Variants in SCUBE2 observed in about 807,000 individuals in gnomAD.
SCUBE2 encodes the protein signal peptide, CUB domain and EGF like domain containing 2.
In SCUBE2, 114 loss-of-function variants were observed where a neutral mutation model predicts 125.9. That is an observed-to-expected ratio of 0.91 (90% confidence interval 0.78 to 1.06). The LOEUF is 1.06. SCUBE2 is among the 50% of genes least tolerant of loss of function. The probability of loss-of-function intolerance (pLI) is 0.00; values close to 1 mark genes in which losing one functional copy is unlikely to be tolerated. For missense variants in SCUBE2, 1,255 were observed against 1,301.8 expected, an observed-to-expected ratio of 0.96 and a Z score of 0.55; for synonymous variants, 459 against 492.9, an observed-to-expected ratio of 0.93 and a Z score of 0.91.
intron 16 of SCUBE2, 34 bp from the exon 17 acceptor site, chr11:9,033,830 A>T (rs1401276092): frequency 1.2e-6 from 2 of 1,608,640 alleles, no homozygotes. Context: ...GTCAGTGTGG[A>T]CACAAAGGCC....
At chr11:9,081,514 G>T (rs118109318) in intron 2 of SCUBE2, among the ~76,000 whole-genome samples, 1,654 of 152,198 alleles carry the variant, frequency 0.011, 18 homozygotes, top group Non-Finnish European at 0.018. Context: ...GTTGTAGCAT[G>T]TGACAGGATT....
chr11:9,077,535 G>A (rs1861299562), intron 3 of SCUBE2, among the ~76,000 whole-genome samples: 1 of 152,192 alleles, frequency 6.6e-6, no homozygotes, highest in Admixed American at 6.5e-5. Flanking sequence ...GTGTGGTTAG[G>A]AGGCTGAGGA....
intron 7 of SCUBE2, 99 bp downstream of exon 7, chr11:9,065,792 T>C: frequency 1.0e-6 from 1 of 967,502 alleles, no homozygotes; most frequent in South Asian, 1.4e-5. Flanking sequence ...GTCCAGCTGG[T>C]CTGAGGGCAT....
At chr11:9,066,199 A>T (rs1203318241) in intron 6 of SCUBE2, among the ~76,000 whole-genome samples, 1 of 152,176 alleles carries the variant, frequency 6.6e-6, no homozygotes, top group Non-Finnish European at 1.5e-5. Context: ...AAGATTTTGG[A>T]GGTATATTGC....
rs1291381213 is a variant in SCUBE2 at position 9,021,099 on chromosome 11, C to T, written c.3033G>A (p.Ser1011=). 8 of 1,613,420 alleles carry T rather than the reference C, an allele frequency of 5.0e-6. No individual in the cohort carries two copies. The highest frequency in any genetic ancestry group is 2.2e-5 in the East Asian group (1 of 44,872). The change falls in exon 23 of 23, where the codon TCG becomes TCA. Residue 1011 remains serine, a synonymous_variant. Transcript: ENST00000649792. ...AQESREMFPR[S]FIRLLRSKVS... is the part of the protein sequence containing the mutation. ...CTTTGGAACGTAGCAATCGGATGAA[C>T]GATCTTGGAAACATCTCTCGGGACT...
chr11:9,045,596 AAGAC>A (rs530788173), intron 16 of SCUBE2, among the ~76,000 whole-genome samples: 3,129 of 144,742 alleles, frequency 0.022, 90 homozygotes, highest in African/African-American at 0.059. Flanking sequence ...CCAGGACTAG[AAGAC>A]AGACAGACAG....
Position 9,030,020 on chromosome 11 carries a change from G to A in SCUBE2, c.2367C>T (p.Tyr789=), listed in dbSNP as rs746558405. 1 of 1,614,210 alleles carries A rather than the reference G, an allele frequency of 6.2e-7. No individual in the cohort carries two copies. The highest frequency in any genetic ancestry group is 8.5e-7 in the Non-Finnish European group (1 of 1,180,038). Residue 789 remains tyrosine (Y), a synonymous_variant, in exon 19 of 23, where the codon TAC becomes TAT. Coordinates refer to ENST00000649792, the MANE Select transcript of SCUBE2 (RefSeq NM_001367977.2). ...GAATACATCGGTGAGTGGTGGTGTTGTAGAAATGTCCAGGTGAACATTGAA... is the reference window on the plus strand; with the variant it reads ...GAATACATCGGTGAGTGGTGGTGTTATAGAAATGTCCAGGTGAACATTGAA... ...TRVQCSPGHF[Y]NTTTHRCIRC...
At chr11:9,028,175 T>C (rs1395619727) in intron 19 of SCUBE2, among the ~76,000 whole-genome samples, 1 of 151,814 alleles carries the variant, frequency 6.6e-6, no homozygotes, top group Non-Finnish European at 1.5e-5. Context: ...GCTGGGACCA[T>C]ATGCAAGTGC....
chr11:9,053,185 G>A lies in SCUBE2; in HGVS notation c.1361C>T (p.Ser454Leu). The change falls in exon 12 of 23, where the codon TCA becomes TTA. Residue 454 changes from serine (S) to leucine (L), a missense_variant. Around this residue, in one of 3 missense-constraint regions of SCUBE2, gnomAD observed 378 missense variants for 463.1 expected, o/e 0.82. Transcript: ENST00000649792. ...ACCGCAGTGCAGGGACACACGGGGT[G>A]ACACACTTGTGGGCAGGAGCCCCTT... ...EVKGLLPTSV[S>L]PRVSLHCGKS... 2.5e-6 allele frequency: 4 copies of A among 1,614,190 alleles called. No individual in the cohort carries two copies. Among genetic ancestry groups the A allele is most frequent in the Non-Finnish European group, 3.4e-6 (4 of 1,180,018 alleles).
chr11:9,049,719 C>A (rs759361174), intron 14 of SCUBE2, among the ~76,000 whole-genome samples: 5 of 152,128 alleles, frequency 3.3e-5, no homozygotes, highest in Non-Finnish European at 7.4e-5. Context: ...TCTTCTACCA[C>A]AGTTTTTCTT....
chr11:9,035,967 C>T (rs1261826149), intron 16 of SCUBE2, among the ~76,000 whole-genome samples: 1 of 152,174 alleles, frequency 6.6e-6, no homozygotes, highest in African/African-American at 2.4e-5. Context: ...CAGCTCATCG[C>T]AACCTCCGCC....
intron 2 of SCUBE2, among the ~76,000 whole-genome samples, chr11:9,085,284 C>T (rs1192247851): frequency 2.6e-5 from 4 of 152,056 alleles, no homozygotes; most frequent in African/African-American, 9.7e-5. Context: ...GTGTTGATTT[C>T]CTGGTTTTGA....
chr11:9,083,096 G>C (rs1389560395), intron 2 of SCUBE2, among the ~76,000 whole-genome samples: 2 of 151,418 alleles, frequency 1.3e-5, no homozygotes, highest in East Asian at 1.9e-4. Context: ...GTGACCCACA[G>C]GGCACGGGGA....
At position 9,074,554 on chromosome 11, in the gene SCUBE2, C is replaced by G; in HGVS notation, c.444G>C (p.Gly148=). Residue 148 remains glycine (G), a synonymous_variant, in exon 4 of 23, where the codon GGG becomes GGC. Transcript: ENST00000649792. The stretch of plus-strand genomic sequence containing the variant: ...CCTCCTTGCAGCAGCACTCATAGCT[C>G]CCCATGACGTTGACACAGGTATGCT... ...GCQHTCVNVM[G]SYECCCKEGF... The G allele has an allele frequency of 6.2e-7, 1 of 1,614,216 alleles. No individual in the cohort carries two copies. The highest frequency in any genetic ancestry group is 8.5e-7 in the Non-Finnish European group (1 of 1,180,032).
At position 9,048,069 on chromosome 11, in the gene SCUBE2, G is replaced by T. The variant is rs754516825; in HGVS notation, c.1669C>A (p.Arg557Ser). The change falls in exon 15 of 23, where the codon CGC (arginine) becomes AGC (serine). Residue 557 changes from arginine to serine, a missense_variant. Transcript: ENST00000649792. ...EKHSSVKESF[R>S]YVNLTCSSGK... is the part of the protein sequence containing the mutation. ...GAGCTGCATGTAAGGTTTACGTAGC[G>T]GAAGCTCTCTTTTACTGAGCTGTGC... 1 of 1,613,562 alleles carries T rather than the reference G, an allele frequency of 6.2e-7. No individual in the cohort carries two copies. Among genetic ancestry groups the T allele is most frequent in the African/African-American group, 1.3e-5 (1 of 74,882 alleles).
In SCUBE2 at chr11:9,055,840, C is replaced by G. The variant is rs756748666; in HGVS notation, c.1160G>C (p.Cys387Ser). The change falls in exon 10 of 23, where the codon TGT becomes TCT. Residue 387 changes from cysteine (C) to serine (S), a missense_variant. Physicochemically the swap from Cys to Ser is moderately radical, Grantham distance 112. This residue lies in a region of SCUBE2 where 378 missense variants were observed against 463.1 expected (regional missense o/e 0.82). Transcript: ENST00000649792. ...SCINHPGTFA[C>S]ACNRGYTLYG... ...CAGGGTGTACCCTCGGTTGCAAGCA[C>G]AAGCAAATGTGCCAGGGTGGTTGAT... 6.2e-7 allele frequency: 1 copy of G among 1,614,078 alleles called. No homozygotes were observed. Among genetic ancestry groups the G allele is most frequent in the African/African-American group, 1.3e-5 (1 of 74,916 alleles).
At chr11:9,054,745 T>TC (rs1858899315) in intron 10 of SCUBE2, among the ~76,000 whole-genome samples, 1 of 110,440 alleles carries the variant, frequency 9.1e-6, no homozygotes, top group Non-Finnish European at 1.9e-5. Flanking sequence ...TTTTTTTTTT[T>TC]TTTTTTTCAG....
In SCUBE2 at chr11:9,066,794, G is replaced by T. The variant is rs974498927; in HGVS notation, c.663C>A (p.Asn221Lys). The change falls in exon 6 of 23, where the codon AAC becomes AAA. Residue 221 changes from asparagine (N) to lysine (K), a missense_variant. By Grantham distance (94) the Asn-to-Lys change is moderately conservative (BLOSUM62 0). This residue lies in a region of SCUBE2 where 362 missense variants were observed against 323.0 expected (regional missense o/e 1.12). Coordinates refer to ENST00000649792, the MANE Select transcript of SCUBE2 (RefSeq NM_001367977.2). ...CGTCACAGGAGTGCTGGCACCCACC[G>T]TTCCCATGGTTACAGGTCACTGACA... ...RDCILTCNHG[N>K]GGCQHSCDDT... 2 of 1,614,064 alleles carry T rather than the reference G, an allele frequency of 1.2e-6. No homozygotes were observed. The highest frequency in any genetic ancestry group is 2.2e-5 in the South Asian group (2 of 91,080).
chr11:9,042,148 C>T (rs751818292), intron 16 of SCUBE2, among the ~76,000 whole-genome samples: 21 of 152,202 alleles, frequency 1.4e-4, no homozygotes, highest in Admixed American at 2.6e-4. Flanking sequence ...GCACTTCTCT[C>T]CCTGGCCTCT....
Sources: allele counts gnomAD v4.1 joint callset (sites outside exome capture counted in the v4.1 genomes callset), GRCh38; gene constraint gnomAD v4.1.1; regional missense constraint gnomAD v4.1.1; transcripts MANE v1.5; gene names NCBI Gene and HGNC (gene_info 2026-07-23, HGNC 2026-07-21).